AHNAK2: variants seen among roughly 807,000 people sequenced by gnomAD.
AHNAK2 encodes the protein protein AHNAK2.
A neutral mutation model predicts 30.7 loss-of-function variants in AHNAK2; 18 were observed. That is an observed-to-expected ratio of 0.59 (90% CI 0.41 to 0.87). The LOEUF is 0.87. Among genes scored for constraint, AHNAK2 ranks in the 40% least tolerant of loss-of-function variants. The pLI, the probability that AHNAK2 is intolerant of heterozygous loss-of-function variation, is 0.00. For synonymous variants in AHNAK2, 3,590 were observed against 3,073.8 expected (o/e 1.17, Z -5.56); for missense variants, 8,604 against 7,373.0 (o/e 1.17, Z -6.11).
Position 104,943,693 on chromosome 14 carries a change from C to T in AHNAK2, c.11758G>A (p.Val3920Met). ...TCCACATCAGGGGCTGTCACTTCCA[C>T]CTTGGGGTCTTTTAGGTCCAGCTTG... is the stretch of plus-strand genomic sequence containing the variant. The part of the protein sequence containing the change: ...GPKLDLKDPK[V>M]EVTAPDVEVS... The change falls in exon 7 of 7, where the codon GTG becomes ATG. Residue 3920 changes from valine to methionine, a missense_variant. Transcript: ENST00000333244. The T allele has an allele frequency of 3.1e-6, 5 of 1,613,170 alleles. No individual in the cohort carries two copies. Among genetic ancestry groups the T allele is most frequent in the Non-Finnish European group, 4.2e-6 (5 of 1,179,646 alleles).
rs539752620 is a variant in AHNAK2, at chr14:104,938,297, C to A, written c.17154G>T (p.Gly5718=). The change falls in exon 7 of 7, where the codon GGG becomes GGT. Residue 5718 remains glycine (G), a synonymous_variant. Coordinates refer to ENST00000333244, the MANE Select transcript of AHNAK2 (RefSeq NM_138420.4). ...GAAGTTTTTGTTCTTCCAGCTCTGC[C>A]CCATCTTCGGTGCTTTTGCTTTTCT... ...PTKKSKSTED[G]AELEEQKLQE... 1 of 1,613,812 alleles carries A rather than the reference C, an allele frequency of 6.2e-7. No homozygotes were observed. Among genetic ancestry groups the A allele is most frequent in the African/African-American group, 1.3e-5 (1 of 74,930 alleles).
chr14:104,938,832 T>A lies in AHNAK2; in HGVS notation c.16619A>T (p.Gln5540Leu). The change falls in exon 7 of 7, where the codon CAA becomes CTA. Residue 5540 changes from glutamine to leucine, a missense_variant. Coordinates refer to ENST00000333244, the MANE Select transcript of AHNAK2 (RefSeq NM_138420.4). ...TQARVYTTMT[Q>L]HSRTQEGTEE... ...TGTGCCCTCCTGAGTCCTAGAGTGT[T>A]GAGTCATTGTTGTGTACACTCTAGC... is the stretch of plus-strand genomic sequence containing the variant. 1.2e-6 allele frequency: 2 copies of A among 1,613,930 alleles called. No homozygotes were observed. The highest frequency in any genetic ancestry group is 4.5e-5 in the East Asian group (2 of 44,890).
At chr14:104,965,012 C>T (rs758891580) in intron 1 of AHNAK2, among the ~76,000 whole-genome samples, 66 of 152,348 alleles carry the variant, frequency 4.3e-4, no homozygotes, top group African/African-American at 9.9e-4. Flanking sequence ...GCTTTGAATA[C>T]GGCTTAACAC....
At position 104,941,206 on chromosome 14, in the gene AHNAK2, C is replaced by G; in HGVS notation, c.14245G>C (p.Val4749Leu). Reference protein sequence around the residue: ...SECSSFELQQVSACSEPSMQM... With the variant: ...SECSSFELQQLSACSEPSMQM... ...ATGGATGGCTCTGAACAAGCCGAAA[C>G]CTGTTGTAATTCAAAACTTGAGCAT... Residue 4749 changes from valine to leucine, a missense_variant, in exon 7 of 7, where the codon GTT becomes CTT. By Grantham distance (32) the Val-to-Leu change is conservative. Transcript: ENST00000333244. 5 of 1,613,626 alleles carry G rather than the reference C, an allele frequency of 3.1e-6. No individual in the cohort carries two copies. Among genetic ancestry groups the G allele is most frequent in the Non-Finnish European group, 4.2e-6 (5 of 1,179,910 alleles).
chr14:104,940,987 G>A lies in AHNAK2; in HGVS notation c.14464C>T (p.Leu4822Phe), dbSNP rs768229010. Residue 4822 changes from leucine (L) to phenylalanine (F), a missense_variant, in exon 7 of 7, where the codon CTT (leucine) becomes TTT (phenylalanine). By Grantham distance (22) the Leu-to-Phe change is conservative. Coordinates refer to ENST00000333244, the MANE Select transcript of AHNAK2 (RefSeq NM_138420.4). This position sits in a 1 kb window ranked among gnomAD's most constrained non-coding sequence, Gnocchi z 4.4. ...IPSGSQADIP[L>F]PKTECSTDLQ... ...TCAGTGGAGCACTCTGTCTTGGGAA[G>A]AGGAATATCAGCCTGAGACCCAGAA... 28 of 1,613,166 alleles carry A rather than the reference G, an allele frequency of 1.7e-5. No homozygotes were observed. The South Asian group carries it at 2.0e-4, about 11-fold the overall frequency.
Position 104,940,078 on chromosome 14 carries a change from GT to G in AHNAK2, c.15372del (p.Lys5124AsnfsTer20), listed in dbSNP as rs1408180510. 6.2e-7 allele frequency: 1 copy of G among 1,613,256 alleles called. No individual in the cohort carries two copies. Among genetic ancestry groups the G allele is most frequent in the Non-Finnish European group, 8.5e-7 (1 of 1,179,898 alleles). ...SQPEADLPLP[K>X]HDLSTEGDSR... ...CTGTCACCTTCGGTAGACAGATCAT[GT>G]TTGGGAAGAGGCAGGTCAGCTTCAG... On this transcript the variant is annotated frameshift_variant, in exon 7 of 7. Transcript: ENST00000333244. LOFTEE classifies it low-confidence loss of function (END_TRUNC). The surrounding 1 kb of genome is among the most constrained non-coding windows in gnomAD (Gnocchi z 4.4).
Position 104,949,009 on chromosome 14 carries a change from TA to T in AHNAK2, c.6441del (p.Thr2148ProfsTer40), listed in dbSNP as rs778199486. The T allele has an allele frequency of 1.9e-6, 2 of 1,075,210 alleles. 1 individual carries two copies. Among genetic ancestry groups the T allele is most frequent in the African/African-American group, 3.2e-5 (2 of 62,730 alleles). The allele number at this position is 1,075,210 out of a possible 1,614,324, so 66.6% of individuals were successfully genotyped here. Reference sequence around the variant, plus strand: ...GGCATTTTGAACTTGCTGTCTTTGGTAGTCAGGTCCTTGTTGGCCAGGGTCA... The same window carrying T: ...GGCATTTTGAACTTGCTGTCTTTGGTGTCAGGTCCTTGTTGGCCAGGGTCA... ...GDLTLANKDLTTKDSKFKMPK... is the reference protein window; with the variant it reads ...GDLTLANKDLXTKDSKFKMPK... On this transcript the variant is annotated frameshift_variant, in exon 7 of 7. Transcript: ENST00000333244. LOFTEE classifies it low-confidence loss of function (END_TRUNC).
chr14:104,951,919 G>C lies in AHNAK2; in HGVS notation c.3532C>G (p.Pro1178Ala), dbSNP rs775307806. 6.2e-7 allele frequency: 1 copy of C among 1,609,846 alleles called. No individual in the cohort carries two copies. The highest frequency in any genetic ancestry group is 1.7e-5 in the Admixed American group (1 of 59,600). ...FKMPSFGASAPGKSIEASVDV... is the reference protein window; with the variant it reads ...FKMPSFGASAAGKSIEASVDV... ...ACCGAGGCCTCGATGGACTTGCCTG[G>C]GGCTGACGCCCCGAACGATGGCATC... Residue 1178 changes from proline (P) to alanine (A), a missense_variant, in exon 7 of 7, where the codon CCA (proline) becomes GCA (alanine). Coordinates refer to ENST00000333244, the MANE Select transcript of AHNAK2 (RefSeq NM_138420.4).
chr14:104,950,592 G>C lies in AHNAK2; in HGVS notation c.4859C>G (p.Ser1620Cys), dbSNP rs1898633451. 1.9e-6 allele frequency: 3 copies of C among 1,586,916 alleles called. No homozygotes were observed. The highest frequency in any genetic ancestry group is 2.6e-6 in the Non-Finnish European group (3 of 1,162,784). The change falls in exon 7 of 7, where the codon TCT (serine) becomes TGT (cysteine). Residue 1620 changes from serine (S) to cysteine (C), a missense_variant. Transcript: ENST00000333244. ...VEVTAPDVKM[S>C]LSSMEVDVQA... Reference sequence around the variant, plus strand: ...GACGTCCACCTCCATGCTGGACAGAGACATCTTCACATCGGGGGCTGTCAC... The same window carrying C: ...GACGTCCACCTCCATGCTGGACAGACACATCTTCACATCGGGGGCTGTCAC...
chr14:104,972,689 C>G lies in AHNAK2; in HGVS notation c.55+5494G>C, dbSNP rs543659647. On this transcript the variant is annotated intron_variant, in intron 1 of 6. Transcript: ENST00000333244. ...GAGATCTCCTCCTGGTGCACCCTCC[C>G]CAACGCGGACAGCCATGGGAACGCA... Among the ~76,000 whole-genome samples, 234 of 152,346 alleles carry G rather than the reference C, an allele frequency of 1.5e-3. 1 individual carries two copies. The highest frequency in any genetic ancestry group is 5.4e-3 in the African/African-American group (224 of 41,570).
At chr14:104,973,968 G>A (rs957136403) in intron 1 of AHNAK2, among the ~76,000 whole-genome samples, 19 of 144,392 alleles carry the variant, frequency 1.3e-4, no homozygotes, top group African/African-American at 4.2e-4. Context: ...ACCGCCTCCC[G>A]CCCCAGCCCC....
Position 104,957,497 on chromosome 14 carries a change from C to G in AHNAK2, c.126G>C (p.Gly42=). The G allele has an allele frequency of 6.3e-7, 1 of 1,599,190 alleles. No individual in the cohort carries two copies. The part of the protein sequence containing the change: ...ETEDDHSVTE[G]PADEGIRPRP... The stretch of plus-strand genomic sequence containing the variant: ...GTGGTCGAATGCCCTCATCCGCAGG[C>G]CCTTCAGTCACCTGACGGGAGAGAA... Residue 42 remains glycine (G), a synonymous_variant, in exon 3 of 7, where the codon GGG becomes GGC. Transcript: ENST00000333244.
In AHNAK2 at chr14:104,953,096, C is replaced by A; in HGVS notation, c.2355G>T (p.Ala785=). ...TCTTCACATCGGGGGCTGTCACTTCCGCCTTGGGGCCTTTCAGGTCCAGCT... is the reference window on the plus strand; with the variant it reads ...TCTTCACATCGGGGGCTGTCACTTCAGCCTTGGGGCCTTTCAGGTCCAGCT... ...GPKLDLKGPK[A]EVTAPDVKMS... Residue 785 remains alanine, a synonymous_variant, in exon 7 of 7, where the codon GCG becomes GCT. Coordinates refer to ENST00000333244, the MANE Select transcript of AHNAK2 (RefSeq NM_138420.4). 6.2e-7 allele frequency: 1 copy of A among 1,613,412 alleles called. No individual in the cohort carries two copies. Among genetic ancestry groups the A allele is most frequent in the Non-Finnish European group, 8.5e-7 (1 of 1,179,736 alleles).
chr14:104,950,609 G>C lies in AHNAK2; in HGVS notation c.4842C>G (p.Ala1614=). 1.9e-6 allele frequency: 3 copies of C among 1,586,864 alleles called. No homozygotes were observed. The highest frequency in any genetic ancestry group is 1.4e-5 in the African/African-American group (1 of 73,124). ...TGGACAGAGACATCTTCACATCGGG[G>C]GCTGTCACTTCCACCTTGGGGCCTT... ...DLKGPKVEVT[A]PDVKMSLSSM... The change falls in exon 7 of 7, where the codon GCC becomes GCG. Residue 1614 remains alanine (A), a synonymous_variant. Transcript: ENST00000333244.
rs780357312 is a variant in AHNAK2, at chr14:104,953,000, C to T, written c.2451G>A (p.Gly817=). Residue 817 remains glycine, a synonymous_variant, in exon 7 of 7, where the codon GGG becomes GGA. Coordinates refer to ENST00000333244, the MANE Select transcript of AHNAK2 (RefSeq NM_138420.4). ...CCTCCTTGTCGGCCAGGGACAGGTCCCCCTCCAGCCGCGCACCATCCAGCT... is the reference window on the plus strand; with the variant it reads ...CCTCCTTGTCGGCCAGGGACAGGTCTCCCTCCAGCCGCGCACCATCCAGCT... ...RAKLDGARLE[G]DLSLADKEVT... is the part of the protein sequence containing the mutation. The T allele has an allele frequency of 1.2e-6, 2 of 1,612,164 alleles. No homozygotes were observed. The highest frequency in any genetic ancestry group is 2.2e-5 in the South Asian group (2 of 91,006).
rs778932888 is a variant in AHNAK2, at chr14:104,945,036, T to C, written c.10415A>G (p.Lys3472Arg). The C allele has an allele frequency of 3.8e-5, 62 of 1,612,766 alleles. No homozygotes were observed. The highest frequency in any genetic ancestry group is 2.1e-4 in the African/African-American group (16 of 74,668). ...AEKDVTAKDS[K>R]FKMPKFKMPS... ...CATCTTGAACTTGGGCATTTTGAAC[T>C]TGCTGTCTTTGGCAGTCACATCCTT... Residue 3472 changes from lysine to arginine, a missense_variant, in exon 7 of 7, where the codon AAG becomes AGG. Transcript: ENST00000333244.
rs1402811456 is a variant in AHNAK2 at position 104,978,258 on chromosome 14, G to A, written c.-21C>T. On this transcript the variant is annotated 5_prime_UTR_variant, in exon 1 of 7. Transcript: ENST00000333244. Reference sequence around the variant, plus strand: ...CACATCGCGGCGGCCAGGCGGTGCGGGCCTGGCGGCCCGTCGCGTCCAGTC... The same window carrying A: ...CACATCGCGGCGGCCAGGCGGTGCGAGCCTGGCGGCCCGTCGCGTCCAGTC... 12 of 1,186,748 alleles carry A rather than the reference G, an allele frequency of 1.0e-5. No homozygotes were observed. The highest frequency in any genetic ancestry group is 8.2e-5 in the South Asian group (2 of 24,260). The allele number at this position is 1,186,748 out of a possible 1,614,324, so 73.5% of individuals were successfully genotyped here. A position where few individuals can be genotyped will look rare whatever the true frequency, so the allele number is the denominator to read the frequency against.
Position 104,951,298 on chromosome 14 carries a change from G to C in AHNAK2, c.4153C>G (p.Leu1385Val), listed in dbSNP as rs202180992. 6.6e-6 allele frequency: 7 copies of C among 1,061,684 alleles called. 2 individuals carry two copies. Among genetic ancestry groups the C allele is most frequent in the East Asian group, 4.5e-5 (2 of 43,966 alleles). 65.8% of individuals were successfully genotyped at this position (1,061,684 alleles called of 1,614,324 possible). Reference sequence around the variant, plus strand: ...TCCAATTGGCCAGCCTGGAGCTCCAGGTCAGTGGAAGGGGGCTGAATGCTG... The same window carrying C: ...TCCAATTGGCCAGCCTGGAGCTCCACGTCAGTGGAAGGGGGCTGAATGCTG... ...DLSIQPPSTD[L>V]ELQAGQLDVK... The change falls in exon 7 of 7, where the codon CTG becomes GTG. Residue 1385 changes from leucine (L) to valine (V), a missense_variant. By Grantham distance (32) the Leu-to-Val change is conservative. Transcript: ENST00000333244.
At position 104,953,177 on chromosome 14, in the gene AHNAK2, C is replaced by G. The variant is rs1289587201; in HGVS notation, c.2274G>C (p.Leu758=). 4 of 1,613,080 alleles carry G rather than the reference C, an allele frequency of 2.5e-6. No individual in the cohort carries two copies. The highest frequency in any genetic ancestry group is 2.7e-5 in the African/African-American group (2 of 74,532). Residue 758 remains leucine, a synonymous_variant, in exon 7 of 7, where the codon CTG becomes CTC. Coordinates refer to ENST00000333244, the MANE Select transcript of AHNAK2 (RefSeq NM_138420.4). ...LPEGASLKGH[L]PKVQRPSLKM... ...TCAAACTGGGCCTCTGCACCTTGGG[C>G]AGGTGCCCTTTGAGGCTGGCTCCCT...
Sources: allele counts gnomAD v4.1 joint callset (sites outside exome capture counted in the v4.1 genomes callset), GRCh38; gene constraint gnomAD v4.1.1; non-coding constraint Gnocchi (gnomAD v3.1); transcripts MANE v1.5; gene names NCBI Gene and HGNC (gene_info 2026-07-23, HGNC 2026-07-21).